The following CPED1 variants were observed in gnomAD, a reference collection of about 807,000 sequenced individuals.
The protein encoded by CPED1 is cadherin-like and PC-esterase domain-containing protein 1.
In CPED1, 114 loss-of-function variants were observed where a neutral mutation model predicts 128.2. The ratio of observed to expected loss-of-function variants is 0.89; its 90% CI spans 0.76 to 1.04. The LOEUF (loss-of-function observed/expected upper bound fraction) is 1.04. Ranked by LOEUF, CPED1 falls within the 50% of genes least tolerant of loss-of-function variation. CPED1 has a pLI of 0.00. For missense variants in CPED1, 1,211 were observed against 1,207.1 expected, an observed-to-expected ratio of 1.00 and a Z score of -0.05; for synonymous variants, 462 against 426.7, an observed-to-expected ratio of 1.08 and a Z score of -1.02.
At chr7:121,130,576 A>G (rs990242753) in intron 12 of CPED1, among the ~76,000 whole-genome samples, 1 of 152,068 alleles carries the variant, frequency 6.6e-6, no homozygotes, top group Non-Finnish European at 1.5e-5. Context: ...TCCTTCAGTG[A>G]TATATATTCT....
intron 16 of CPED1, among the ~76,000 whole-genome samples, chr7:121,218,527 T>A (rs1797810266): frequency 6.6e-6 from 1 of 151,870 alleles, no homozygotes; most frequent in African/African-American, 2.4e-5. Context: ...TGAGTAGGAG[T>A]GATCAATATC....
intron 16 of CPED1, among the ~76,000 whole-genome samples, chr7:121,142,867 C>T (rs918682236): frequency 1.3e-5 from 2 of 151,956 alleles, no homozygotes; most frequent in East Asian, 1.9e-4. Context: ...TATTAATTCA[C>T]TCAGAAAGTA....
chr7:120,993,889 T>C (rs1255034489), intron 2 of CPED1: 13 of 253,896 alleles, frequency 5.1e-5, no homozygotes, highest in African/African-American at 2.3e-4. Context: ...GTCCCTCTCA[T>C]GGTATTTGCA....
At chr7:121,145,399 T>C (rs1022425442) in intron 16 of CPED1, among the ~76,000 whole-genome samples, 3 of 152,106 alleles carry the variant, frequency 2.0e-5, no homozygotes, top group Non-Finnish European at 4.4e-5. Context: ...AGTATGTTGG[T>C]AATTTATAAG....
In CPED1 at chr7:121,296,482, A is replaced by G. The variant is rs1384436080; in HGVS notation, c.*830A>G. The G allele has an allele frequency of 2.6e-5, 4 of 152,164 alleles. No homozygotes were observed. Among genetic ancestry groups the G allele is most frequent in the African/African-American group, 9.6e-5 (4 of 41,456 alleles). The allele number at this position is 152,164 out of a possible 1,614,324, so 9.4% of individuals were successfully genotyped here. A position where few individuals can be genotyped will look rare whatever the true frequency, so the allele number is the denominator to read the frequency against. ...ACTTAAATCTTGTGTTTGCCATTAC[A>G]GCCCTATGTAACTTAAAATTACAAT... On this transcript the variant is annotated 3_prime_UTR_variant, in exon 23 of 23. Transcript: ENST00000310396.
intron 16 of CPED1, among the ~76,000 whole-genome samples, chr7:121,148,318 G>A (rs570548557): frequency 3.9e-5 from 6 of 152,298 alleles, no homozygotes; most frequent in African/African-American, 4.8e-5. Flanking sequence ...AGCAGCCGAG[G>A]TAATAGGTGT....
intron 5 of CPED1, among the ~76,000 whole-genome samples, chr7:121,071,402 A>G (rs909845334): frequency 2.0e-5 from 3 of 151,846 alleles, no homozygotes; most frequent in African/African-American, 7.3e-5. Context: ...CCCTCACAAA[A>G]CAGAAATTTT....
intron 16 of CPED1, among the ~76,000 whole-genome samples, chr7:121,154,876 A>G (rs1371978219): frequency 6.6e-6 from 1 of 152,210 alleles, no homozygotes; most frequent in African/African-American, 2.4e-5. Context: ...ATGCTTTTTC[A>G]GCATTGAAAT....
chr7:121,240,325 G>A (rs1013931151), intron 17 of CPED1, among the ~76,000 whole-genome samples: 4 of 152,200 alleles, frequency 2.6e-5, no homozygotes, highest in African/African-American at 2.4e-5. Flanking sequence ...GGGGTACAGT[G>A]TCTGGAGTAA....
At chr7:121,227,205 T>C (rs1194387173) in intron 16 of CPED1, among the ~76,000 whole-genome samples, 1 of 152,082 alleles carries the variant, frequency 6.6e-6, no homozygotes, top group Non-Finnish European at 1.5e-5. Context: ...CTCCCCTTTT[T>C]TCTCTATTCC....
rs1386960067 is a variant in CPED1, at chr7:121,046,867, G to A, written c.434-20G>A. 6.7e-7 allele frequency: 1 copy of A among 1,500,258 alleles called. No individual in the cohort carries two copies. The highest frequency in any genetic ancestry group is 1.4e-5 in the African/African-American group (1 of 72,210). 92.9% of individuals were successfully genotyped at this position (1,500,258 alleles called of 1,614,324 possible). ...TATCTGATGAAAACTTATTTGTTTTGAATATTCTTTTGCTTTTAGGTGATC... is the reference window on the plus strand; with the variant it reads ...TATCTGATGAAAACTTATTTGTTTTAAATATTCTTTTGCTTTTAGGTGATC... On this transcript the variant is annotated intron_variant, in intron 3 of 22. Transcript: ENST00000310396.
At chr7:121,004,860 G>A (rs1562988868) in intron 2 of CPED1, among the ~76,000 whole-genome samples, 1 of 152,270 alleles carries the variant, frequency 6.6e-6, no homozygotes, top group South Asian at 2.1e-4. Context: ...GAAGTCATAT[G>A]TAGTTGTACA....
At chr7:121,255,059 T>C (rs1002035415) in intron 18 of CPED1, among the ~76,000 whole-genome samples, 2 of 152,060 alleles carry the variant, frequency 1.3e-5, no homozygotes, top group Non-Finnish European at 2.9e-5. Context: ...ACTCATTCTA[T>C]GAAGTTAGCA....
At chr7:121,219,312 A>G (rs2116616781) in intron 16 of CPED1, among the ~76,000 whole-genome samples, 1 of 152,060 alleles carries the variant, frequency 6.6e-6, no homozygotes, top group East Asian at 2.0e-4. Context: ...TCCTACAAAG[A>G]CCAGAGACTC....
intron 16 of CPED1, among the ~76,000 whole-genome samples, chr7:121,159,009 A>G (rs1563049655): frequency 6.6e-6 from 1 of 152,166 alleles, no homozygotes; most frequent in East Asian, 1.9e-4. Flanking sequence ...CCCAAATCCT[A>G]AAATAAAGTG....
chr7:121,136,660 T>C (rs1214353973), intron 14 of CPED1, among the ~76,000 whole-genome samples: 3 of 151,978 alleles, frequency 2.0e-5, no homozygotes, highest in Admixed American at 2.0e-4. Flanking sequence ...TCTTAGAGAG[T>C]CTAATTGATT....
intron 3 of CPED1, among the ~76,000 whole-genome samples, chr7:121,034,247 CTTTTTTTTT>C (rs3067998): frequency 4.4e-5 from 5 of 113,986 alleles, no homozygotes; most frequent in African/African-American, 1.4e-4. Flanking sequence ...GTTTTTTTTT[CTTTTTTTTT>C]TTTTTTTTTG....
chr7:121,228,645 T>C (rs1584614702), intron 16 of CPED1, among the ~76,000 whole-genome samples: 1 of 150,202 alleles, frequency 6.7e-6, no homozygotes, highest in Non-Finnish European at 1.5e-5. Context: ...CACTACTGGG[T>C]ATCTAACCAG....
At chr7:121,121,028 GT>G in intron 7 of CPED1, among the ~76,000 whole-genome samples, 1 of 150,234 alleles carries the variant, frequency 6.7e-6, no homozygotes, top group Middle Eastern at 3.5e-3. Flanking sequence ...AGACAAGAAG[GT>G]TGGCAAGTTT....
Sources: allele counts gnomAD v4.1 joint callset (sites outside exome capture counted in the v4.1 genomes callset), GRCh38; gene constraint gnomAD v4.1.1; transcripts MANE v1.5; gene names NCBI Gene and HGNC (gene_info 2026-07-23, HGNC 2026-07-21).